The following NF1 variants were observed in gnomAD, a reference collection of about 807,000 sequenced individuals.
The protein encoded by NF1 is neurofibromin.
Under a neutral mutation model 325.7 loss-of-function variants are expected in NF1, and 122 were observed. The ratio of observed to expected loss-of-function variants is 0.37; its 90% CI spans 0.32 to 0.44. The LOEUF (loss-of-function observed/expected upper bound fraction) is 0.44. Ranked by LOEUF, NF1 falls within the 20% of genes least tolerant of loss-of-function variation. The probability of loss-of-function intolerance (pLI) is 1.00; values close to 1 mark genes in which losing one functional copy is unlikely to be tolerated. For synonymous variants in NF1, 1,091 were observed against 1,186.0 expected (o/e 0.92, Z 1.65); for missense variants, 2,140 against 3,415.4 (o/e 0.63, Z 9.31).
chr17:31,321,614 G>A (rs2069195354), intron 36 of NF1: 1 of 151,800 alleles, frequency 6.6e-6, no homozygotes, highest in Admixed American at 6.6e-5. Flanking sequence ...TAAATCTGCA[G>A]TAAAAAAGGA....
chr17:31,122,157 A>C (rs1448915314), intron 1 of NF1, among the ~76,000 whole-genome samples: 1 of 152,198 alleles, frequency 6.6e-6, no homozygotes, highest in East Asian at 1.9e-4. Context: ...GGCAAGAATA[A>C]TAATTAAGAA....
chr17:31,304,428 TG>T, intron 36 of NF1: 1 of 1,614,134 alleles, frequency 6.2e-7, no homozygotes, highest in South Asian at 1.1e-5. Context: ...GCGGTGGAAA[TG>T]ATTGTATTAT....
At chr17:31,101,864 T>C (rs1367716805) in intron 1 of NF1, among the ~76,000 whole-genome samples, 1 of 152,216 alleles carries the variant, frequency 6.6e-6, no homozygotes, top group East Asian at 1.9e-4. Flanking sequence ...TGTTTTCTTT[T>C]TTTCTTGTCT....
chr17:31,252,955 A>C lies in NF1; in HGVS notation c.4128A>C (p.Leu1376=). The change falls in exon 31 of 58, where the codon CTA becomes CTC. Residue 1376 remains leucine (L), a synonymous_variant. Coordinates refer to ENST00000358273, the MANE Select transcript of NF1 (RefSeq NM_001042492.3). The stretch of plus-strand genomic sequence containing the variant: ...TTCTGTAGGCAACTTGCCACTCCCT[A>C]CTGAATAAAGCTACAGTAAAAGAAA... ...HCLYQATCHS[L]LNKATVKEKK... The C allele has an allele frequency of 6.2e-7, 1 of 1,613,632 alleles. No individual in the cohort carries two copies. Among genetic ancestry groups the C allele is most frequent in the Non-Finnish European group, 8.5e-7 (1 of 1,179,798 alleles).
chr17:31,326,222 A>G lies in NF1; in HGVS notation c.5238A>G (p.Leu1746=), dbSNP rs779689556. Residue 1746 remains leucine, a synonymous_variant, in exon 37 of 58, where the codon CTA becomes CTG. Coordinates refer to ENST00000358273, the MANE Select transcript of NF1 (RefSeq NM_001042492.3). ...DLKVFHNALK[L]AHKDTKVSIK... ...AGGTATTCCACAATGCTCTCAAGCT[A>G]GCTCACAAAGACACCAAAGTTTCTA... The G allele has an allele frequency of 1.9e-6, 3 of 1,611,556 alleles. No homozygotes were observed. Among genetic ancestry groups the G allele is most frequent in the Admixed American group, 1.7e-5 (1 of 60,028 alleles).
In NF1 at chr17:31,229,309, G is replaced by T. The variant is rs1060503923; in HGVS notation, c.2694G>T (p.Leu898=). The T allele has an allele frequency of 6.2e-7, 1 of 1,613,944 alleles. No homozygotes were observed. Among genetic ancestry groups the T allele is most frequent in the Non-Finnish European group, 8.5e-7 (1 of 1,179,830 alleles). ...CTGTCAGCAAATTTATGGATCGGCT[G>T]TTGTCCTTAATGGTGTGTAACCATG... is the stretch of plus-strand genomic sequence containing the variant. ...DTPVSKFMDR[L]LSLMVCNHEK... Residue 898 remains leucine, a synonymous_variant, in exon 21 of 58, where the codon CTG becomes CTT. Coordinates refer to ENST00000358273, the MANE Select transcript of NF1 (RefSeq NM_001042492.3).
intron 1 of NF1, among the ~76,000 whole-genome samples, chr17:31,110,586 A>ATG (rs1397549085): frequency 1.3e-5 from 2 of 152,132 alleles, no homozygotes; most frequent in African/African-American, 4.8e-5. Context: ...TATTCTAGAG[A>ATG]TGTGAAAGGG....
chr17:31,230,142 ATATCT>A (rs2067087927), intron 22 of NF1, 113 bp from the exon 23 acceptor site: 1 of 1,421,446 alleles, frequency 7.0e-7, no homozygotes, highest in South Asian at 1.2e-5. Context: ...TTCTAAATAA[ATATCT>A]TATTGTTTTC....
At chr17:31,368,465 AT>A (rs981890591) in intron 57 of NF1, among the ~76,000 whole-genome samples, 1 of 152,202 alleles carries the variant, frequency 6.6e-6, no homozygotes. Flanking sequence ...ACAATTTTTT[AT>A]ATTTAGCTCA....
At chr17:31,178,218 AT>A (rs1357979583) in intron 5 of NF1, among the ~76,000 whole-genome samples, 1 of 152,236 alleles carries the variant, frequency 6.6e-6, no homozygotes, top group African/African-American at 2.4e-5. Flanking sequence ...AATATTCAAC[AT>A]TCTTAAAGAA....
rs1319033095 is a variant in NF1 at position 31,136,003 on chromosome 17, G to T, written c.61-19980G>T. Among the ~76,000 whole-genome samples, 6 of 151,962 alleles carry T rather than the reference G, an allele frequency of 3.9e-5. No individual in the cohort carries two copies. In the East Asian group the frequency reaches 1.2e-3, roughly 29 times the overall value. ...TTCTTTAGAATTTCTTTTGATGAGG[G>T]TCTGTTGCAGTAATTGCTCTTACTT... On this transcript the variant is annotated intron_variant, in intron 1 of 57. Coordinates refer to ENST00000358273, the MANE Select transcript of NF1 (RefSeq NM_001042492.3).
At chr17:31,287,968 T>A (rs1597783734) in intron 36 of NF1, among the ~76,000 whole-genome samples, 1 of 148,168 alleles carries the variant, frequency 6.7e-6, no homozygotes, top group East Asian at 2.0e-4. Context: ...CATTGGGAGA[T>A]ATACCTAATG....
chr17:31,248,071 C>T (rs533824213), intron 29 of NF1, among the ~76,000 whole-genome samples: 2 of 151,794 alleles, frequency 1.3e-5, no homozygotes, highest in Non-Finnish European at 2.9e-5. Context: ...GCGTGGTGGC[C>T]CATGCCTGTA....
At position 31,206,240 on chromosome 17, in the gene NF1, T is replaced by C; in HGVS notation, c.1261T>C (p.Ser421Pro). The C allele has an allele frequency of 6.2e-7, 1 of 1,613,706 alleles. No homozygotes were observed. Among genetic ancestry groups the C allele is most frequent in the Non-Finnish European group, 8.5e-7 (1 of 1,179,660 alleles). ...CCTATTGGTCTTTGTTTTTCTCTAG[T>C]CCGCATTGGATTGGTGGCCTAAGAT... Reference protein sequence around the residue: ...VNSLHRIITNSALDWWPKIDA... With the variant: ...VNSLHRIITNPALDWWPKIDA... Residue 421 changes from serine to proline, a missense_variant and splice_region_variant, in exon 12 of 58, where the codon TCC (serine) becomes CCC (proline). Physicochemically the swap from Ser to Pro is moderately conservative, Grantham distance 74. Transcript: ENST00000358273.
chr17:31,202,256 C>G (rs1426864820), intron 11 of NF1, among the ~76,000 whole-genome samples: 1 of 152,154 alleles, frequency 6.6e-6, no homozygotes, highest in Non-Finnish European at 1.5e-5. Context: ...ATGATACTCA[C>G]ATTTATGGGT....
In NF1 at chr17:31,108,262, GTTTTTTTTT is replaced by G. The variant is rs56180844; in HGVS notation, c.60+12913_60+12921del. Among the ~76,000 whole-genome samples, 138 of 82,530 alleles carry G rather than the reference GTTTTTTTTT, an allele frequency of 1.7e-3. 1 individual carries two copies. The highest frequency in any genetic ancestry group is 7.5e-3 in the Middle Eastern group (1 of 134). The allele number at this position is 82,530 out of a possible 152,430, so 54.1% of individuals were successfully genotyped here. On this transcript the variant is annotated intron_variant, in intron 1 of 57. Transcript: ENST00000358273. ...AAAGTTTCCAACATAAAAGTAGAGA[GTTTTTTTTT>G]TTTTTTTTTTTTTTTTTTTCTGAGA...
At chr17:31,160,335 A>G (rs908211737) in intron 3 of NF1, among the ~76,000 whole-genome samples, 4 of 152,106 alleles carry the variant, frequency 2.6e-5, no homozygotes, top group Non-Finnish European at 5.9e-5. Context: ...TGATCCGCCC[A>G]TTTTAGCCTC....
chr17:31,181,324 G>A, intron 5 of NF1, 98 bp from the exon 6 acceptor site: 5 of 1,116,988 alleles, frequency 4.5e-6, no homozygotes, highest in Non-Finnish European at 6.6e-6. Flanking sequence ...GATAATATTG[G>A]AGCAAAAGTA....
chr17:31,229,131 A>T lies in NF1; in HGVS notation c.2516A>T (p.Asn839Ile), dbSNP rs1567848834. The T allele has an allele frequency of 6.2e-7, 1 of 1,611,934 alleles. No individual in the cohort carries two copies. Among genetic ancestry groups the T allele is most frequent in the Non-Finnish European group, 8.5e-7 (1 of 1,179,806 alleles). The change falls in exon 21 of 58, where the codon AAC becomes ATC. Residue 839 changes from asparagine (N) to isoleucine (I), a missense_variant. Asn to Ile is a moderately radical substitution (Grantham distance 149). Coordinates refer to ENST00000358273, the MANE Select transcript of NF1 (RefSeq NM_001042492.3). ...ACAGACTCCCTACAGGAATGGATCA[A>T]CATGACTGGCTTCCTTTGTGCCCTT... ...SDTDSLQEWINMTGFLCALGG... is the reference protein window; with the variant it reads ...SDTDSLQEWIIMTGFLCALGG...
Sources: allele counts gnomAD v4.1 joint callset (sites outside exome capture counted in the v4.1 genomes callset), GRCh38; gene constraint gnomAD v4.1.1; transcripts MANE v1.5; gene names NCBI Gene and HGNC (gene_info 2026-07-23, HGNC 2026-07-21).